Variants in SLC30A2 observed in about 807,000 individuals in gnomAD.
SLC30A2 encodes the protein solute carrier family 30 member 2, also known as proton-coupled zinc antiporter SLC30A2.
A neutral mutation model predicts 39.6 loss-of-function variants in SLC30A2; 19 were observed. The observed-to-expected ratio is 0.48, with a 90% CI of 0.34 to 0.70. SLC30A2 has a LOEUF of 0.70. Among genes scored for constraint, SLC30A2 ranks in the 30% least tolerant of loss-of-function variants. SLC30A2 has a pLI of 0.01. For synonymous variants in SLC30A2, 195 were observed against 194.8 expected, an observed-to-expected ratio of 1.00 and a Z score of -0.01; for missense variants, 387 against 479.4, an observed-to-expected ratio of 0.81 and a Z score of 1.80.
rs2050447105 is a variant in SLC30A2, at chr1:26,045,202, A to C, written c.66T>G (p.Ser22=). ...ARPAIRSYTG[S]LWQEGAGWIP... ...TCCAGCCAGCCCCTTCCTGCCACAGAGATCCCGTGTATGACCTGGCCAGAG... is the reference window on the plus strand; with the variant it reads ...TCCAGCCAGCCCCTTCCTGCCACAGCGATCCCGTGTATGACCTGGCCAGAG... Residue 22 remains serine, a synonymous_variant, in exon 2 of 8, where the codon TCT becomes TCG. Coordinates refer to ENST00000374276, the MANE Select transcript of SLC30A2 (RefSeq NM_001004434.3). 1 of 1,611,944 alleles carries C rather than the reference A, an allele frequency of 6.2e-7. No homozygotes were observed. Among genetic ancestry groups the C allele is most frequent in the Non-Finnish European group, 8.5e-7 (1 of 1,179,628 alleles).
chr1:26,042,491 A>T, intron 5 of SLC30A2, 58 bp downstream of exon 5: 4 of 1,473,558 alleles, frequency 2.7e-6, no homozygotes, highest in Non-Finnish European at 2.8e-6. Context: ...GGTAGAGAGT[A>T]TACTCAGGTG....
intron 5 of SLC30A2, 95 bp downstream of exon 5, chr1:26,042,454 G>T: frequency 1.8e-6 from 2 of 1,120,650 alleles, no homozygotes; most frequent in Admixed American, 4.3e-5. Flanking sequence ...AGAACTGGGA[G>T]GGAGCTAGAA....
intron 2 of SLC30A2, 37 bp downstream of exon 2, chr1:26,044,960 T>C (rs933302460): frequency 3.2e-6 from 5 of 1,546,974 alleles, no homozygotes; most frequent in Non-Finnish European, 2.7e-6. Flanking sequence ...AGTCTATCCA[T>C]GCACCAACTT....
intron 5 of SLC30A2, 137 bp downstream of exon 5, chr1:26,042,412 A>G (rs1199621187): frequency 1.3e-6 from 1 of 771,456 alleles, no homozygotes. Flanking sequence ...GTATTGGATA[A>G]ATGTTCCTTT....
In SLC30A2 at chr1:26,045,884, C is replaced by G; in HGVS notation, c.13G>C (p.Glu5Gln). Residue 5 changes from glutamate to glutamine, a missense_variant, in exon 1 of 8, where the codon GAG (glutamate) becomes CAG (glutamine). Coordinates refer to ENST00000374276, the MANE Select transcript of SLC30A2 (RefSeq NM_001004434.3). ...CTGGCGTCCAACAGATGCTGCTTCT[C>G]CTTGGCCTCCATGCAGTCCCGCGCC... is the stretch of plus-strand genomic sequence containing the variant. MEAKEKQHLLDARPA... is the reference protein window; with the variant it reads MEAKQKQHLLDARPA... 1 of 1,612,824 alleles carries G rather than the reference C, an allele frequency of 6.2e-7. No individual in the cohort carries two copies. The highest frequency in any genetic ancestry group is 8.5e-7 in the Non-Finnish European group (1 of 1,179,850).
intron 4 of SLC30A2, 112 bp downstream of exon 4, chr1:26,043,286 C>G (rs1249170875): frequency 2.6e-6 from 3 of 1,174,220 alleles, no homozygotes; most frequent in Admixed American, 3.8e-5. Context: ...AAGTTCTGTC[C>G]CTGTAGCGTA....
chr1:26,037,653 C>G lies in SLC30A2; in HGVS notation c.*1507G>C, dbSNP rs1241950175. The G allele has an allele frequency of 6.6e-6, 1 of 152,134 alleles. No individual in the cohort carries two copies. Among genetic ancestry groups the G allele is most frequent in the African/African-American group, 2.4e-5 (1 of 41,382 alleles). The allele number at this position is 152,134 out of a possible 1,614,324, so 9.4% of individuals were successfully genotyped here. On this transcript the variant is annotated 3_prime_UTR_variant, in exon 8 of 8. Coordinates refer to ENST00000374276, the MANE Select transcript of SLC30A2 (RefSeq NM_001004434.3). ...GAGTTGGGTAGGGGAGGTTGAGTCC[C>G]CTGAGATTGTGGTGGAATGGAGCAC...
intron 4 of SLC30A2, 80 bp downstream of exon 4, chr1:26,043,318 C>T (rs1010908513): frequency 6.9e-7 from 1 of 1,456,862 alleles, no homozygotes. Flanking sequence ...GGCACAGTCT[C>T]TTTCCGCAAA....
At position 26,045,835 on chromosome 1, in the gene SLC30A2, C is replaced by T; in HGVS notation, c.50+12G>A. The T allele has an allele frequency of 3.7e-6, 6 of 1,613,650 alleles. No individual in the cohort carries two copies. Among genetic ancestry groups the T allele is most frequent in the Non-Finnish European group, 5.1e-6 (6 of 1,179,890 alleles). On this transcript the variant is annotated intron_variant, in intron 1 of 7. Coordinates refer to ENST00000374276, the MANE Select transcript of SLC30A2 (RefSeq NM_001004434.3). ...GCCAAAATTCCCGCCCGTCCCCAGG[C>T]TCTCGCCTTACCGGATTGCCGGCCT... is the stretch of plus-strand genomic sequence containing the variant.
At position 26,044,309 on chromosome 1, in the gene SLC30A2, C is replaced by T. The variant is rs2050434963; in HGVS notation, c.407G>A (p.Trp136Ter). The T allele has an allele frequency of 6.2e-7, 1 of 1,613,942 alleles. No individual in the cohort carries two copies. The highest frequency in any genetic ancestry group is 1.3e-5 in the African/African-American group (1 of 74,914). ...RPATKTMNFG[W>*]QRAEILGALV... ...ACCGCGATCCTCACCAGCTCTCTGC[C>T]AGCCAAAGTTCATGGTCTTGGTGGC... is the stretch of plus-strand genomic sequence containing the variant. Residue 136 changes from tryptophan (W) to a stop codon, truncating the protein, a stop_gained, in exon 3 of 8, where the codon TGG (tryptophan) becomes TAG (stop). Transcript: ENST00000374276. LOFTEE classifies it high-confidence loss of function.
At chr1:26,040,387 T>G (rs1386311045) in intron 6 of SLC30A2, among the ~76,000 whole-genome samples, 1 of 152,130 alleles carries the variant, frequency 6.6e-6, no homozygotes, top group African/African-American at 2.4e-5. Flanking sequence ...TAGCTGGGAC[T>G]ACAGGCGCAT....
chr1:26,043,475 C>T lies in SLC30A2; in HGVS notation c.495G>A (p.Arg165=). 6.2e-7 allele frequency: 1 copy of T among 1,614,128 alleles called. No homozygotes were observed. Among genetic ancestry groups the T allele is most frequent in the Non-Finnish European group, 8.5e-7 (1 of 1,180,000 alleles). ...CAATTTCATAGTCCCCAGAGATCAG[C>T]CGCTCCACAGCCAGGTACACCAGTA... ...TGVLVYLAVE[R]LISGDYEIDG... The change falls in exon 4 of 8, where the codon CGG becomes CGA. Residue 165 remains arginine (R), a synonymous_variant. Transcript: ENST00000374276.
rs1398279459 is a variant in SLC30A2 at position 26,039,420 on chromosome 1, T to C, written c.974-115A>G. 6.4e-5 allele frequency: 50 copies of C among 785,358 alleles called. No individual in the cohort carries two copies. The East Asian group carries it at 1.3e-3, about 20-fold the overall frequency. The allele number at this position is 785,358 out of a possible 1,614,324, so 48.6% of individuals were successfully genotyped here. ...AGAACAGGATGGGGGACCATGAACA[T>C]GGAGAAGCCCCCAGATTCCATTCCT... On this transcript the variant is annotated intron_variant, in intron 7 of 7. Transcript: ENST00000374276. The surrounding 1 kb of genome is among the most constrained non-coding windows in gnomAD (Gnocchi z 4.3).
At chr1:26,043,700 G>A in intron 3 of SLC30A2, 149 bp from the exon 4 acceptor site, 2 of 700,970 alleles carry the variant, frequency 2.9e-6, no homozygotes, top group South Asian at 4.4e-5. Context: ...TGGCCGGTAT[G>A]GCTGCCCCTT....
intron 5 of SLC30A2, 52 bp from the exon 6 acceptor site, chr1:26,041,857 T>G: frequency 9.2e-7 from 1 of 1,088,104 alleles, no homozygotes; most frequent in Non-Finnish European, 1.4e-6. Flanking sequence ...ACACCTCAGC[T>G]TCCCTTCTCC....
chr1:26,041,615 A>T, intron 6 of SLC30A2, 85 bp downstream of exon 6: 7 of 814,972 alleles, frequency 8.6e-6, no homozygotes, highest in Admixed American at 2.0e-5. Flanking sequence ...ATGTGCTAGG[A>T]TGCCCCAGAC....
rs775541026 is a variant in SLC30A2, at chr1:26,042,612, A to T, written c.669T>A (p.His223Gln). ...TGCTCTGCATAAAGTCGCCGATCAC[A>T]TGGATGAAGGCAGCTCGGACGCTGG... ...ENPSVRAAFI[H>Q]VIGDFMQSMG... The change falls in exon 5 of 8, where the codon CAT becomes CAA. Residue 223 changes from histidine to glutamine, a missense_variant. His to Gln is a conservative substitution (Grantham distance 24, BLOSUM62 0). Transcript: ENST00000374276. 6.2e-7 allele frequency: 1 copy of T among 1,614,162 alleles called. No individual in the cohort carries two copies. The highest frequency in any genetic ancestry group is 8.5e-7 in the Non-Finnish European group (1 of 1,180,010).
Position 26,046,032 on chromosome 1 carries a change from C to T in SLC30A2, c.-136G>A, listed in dbSNP as rs2050460752. 7.3e-7 allele frequency: 1 copy of T among 1,379,256 alleles called. No homozygotes were observed. The highest frequency in any genetic ancestry group is 9.3e-7 in the Non-Finnish European group (1 of 1,076,528). The allele number at this position is 1,379,256 out of a possible 1,614,324, so 85.4% of individuals were successfully genotyped here. On this transcript the variant is annotated 5_prime_UTR_variant, in exon 1 of 8. Transcript: ENST00000374276. This position sits in a 1 kb window ranked among gnomAD's most constrained non-coding sequence, Gnocchi z 4.4. The stretch of plus-strand genomic sequence containing the variant: ...GAGGTGCGCTCACTCCGGCCCGGCT[C>T]CTGCGGCCCCTGAGCTCCCCCGGCT...
intron 6 of SLC30A2, among the ~76,000 whole-genome samples, chr1:26,040,564 G>T (rs1033167391): frequency 1.3e-5 from 2 of 151,874 alleles, no homozygotes; most frequent in African/African-American, 4.8e-5. Context: ...ATATATTTTT[G>T]AATGGAAAGA....
Sources: gnomAD v4.1 joint callset for allele counts (sites outside exome capture counted in the v4.1 genomes callset) on GRCh38, gnomAD v4.1.1 for gene constraint, Gnocchi (gnomAD v3.1) non-coding constraint, MANE v1.5 for transcripts, NCBI Gene and HGNC (gene_info 2026-07-23, HGNC 2026-07-21) for gene names.